UBE2N: variants seen among roughly 807,000 people sequenced by gnomAD.
UBE2N encodes the protein ubiquitin conjugating enzyme E2 N.
For synonymous variants in UBE2N, 70 were observed against 69.2 expected (o/e 1.01, Z -0.06); for missense variants, 60 against 192.1 (o/e 0.31, Z 4.07).
At chr12:93,425,389 T>C (rs569051999) in intron 1 of UBE2N, among the ~76,000 whole-genome samples, 1 of 152,282 alleles carries the variant, frequency 6.6e-6, no homozygotes, top group Admixed American at 6.5e-5. Flanking sequence ...AAGTCAATTG[T>C]CAATTAAGAG....
chr12:93,428,899 C>T (rs534628977), intron 1 of UBE2N, among the ~76,000 whole-genome samples: 66 of 152,304 alleles, frequency 4.3e-4, no homozygotes, highest in African/African-American at 1.6e-3. Context: ...GGCCCCTGAA[C>T]AGAACTTGCA....
At chr12:93,436,164 C>T (rs1427248026) in intron 1 of UBE2N, among the ~76,000 whole-genome samples, 4 of 152,102 alleles carry the variant, frequency 2.6e-5, no homozygotes, top group Non-Finnish European at 4.4e-5. Flanking sequence ...TGCAGTGGCG[C>T]GATCTAGGCT....
At chr12:93,418,721 A>G (rs964154406) in intron 1 of UBE2N, among the ~76,000 whole-genome samples, 1 of 152,204 alleles carries the variant, frequency 6.6e-6, no homozygotes, top group Non-Finnish European at 1.5e-5. Flanking sequence ...AAAATTTTCT[A>G]GTAGCCAAAT....
intron 1 of UBE2N, among the ~76,000 whole-genome samples, chr12:93,436,393 A>G (rs543924381): frequency 6.6e-6 from 1 of 152,312 alleles, no homozygotes; most frequent in African/African-American, 2.4e-5. Flanking sequence ...CATGAGCCAC[A>G]GTGCTCAGCC....
chr12:93,441,253 C>A (rs2121107546), intron 1 of UBE2N: 1 of 152,356 alleles, frequency 6.6e-6, no homozygotes, highest in South Asian at 2.1e-4. Flanking sequence ...GGGACCCAGG[C>A]AGCCGCGGCA....
chr12:93,433,138 T>A (rs553899453), intron 1 of UBE2N, among the ~76,000 whole-genome samples: 92 of 152,230 alleles, frequency 6.0e-4, no homozygotes, highest in African/African-American at 2.1e-3. Flanking sequence ...TTTCACCATG[T>A]TAGCCAGGAT....
Position 93,408,748 on chromosome 12 carries a change from G to A in UBE2N, c.*1291C>T, listed in dbSNP as rs946921871. ...GGGATGAAAGCAAGAATCATTAACT[G>A]AGGACTTGATACTCTCAAAGGGATA... is the stretch of plus-strand genomic sequence containing the variant. On this transcript the variant is annotated 3_prime_UTR_variant, in exon 4 of 4. Coordinates refer to ENST00000318066, the MANE Select transcript of UBE2N (RefSeq NM_003348.4). The A allele has an allele frequency of 5.3e-5, 8 of 152,212 alleles. No homozygotes were observed. The highest frequency in any genetic ancestry group is 7.3e-5 in the Non-Finnish European group (5 of 68,030). 9.4% of individuals were successfully genotyped at this position (152,212 alleles called of 1,614,324 possible). A position where few individuals can be genotyped will look rare whatever the true frequency, so the allele number is the denominator to read the frequency against.
intron 1 of UBE2N, among the ~76,000 whole-genome samples, chr12:93,419,779 C>T (rs1044638030): frequency 6.6e-6 from 1 of 152,164 alleles, no homozygotes; most frequent in Admixed American, 6.5e-5. Flanking sequence ...TAGCACCTAC[C>T]TAAACACGTC....
intron 1 of UBE2N, among the ~76,000 whole-genome samples, chr12:93,437,019 T>C (rs1878953251): frequency 6.6e-6 from 1 of 152,082 alleles, no homozygotes; most frequent in African/African-American, 2.4e-5. Context: ...CCCTAGCACT[T>C]TGGGAGGCCG....
Position 93,410,865 on chromosome 12 carries a change from GACC to G in UBE2N, c.284_286del (p.Trp95del). On this transcript the variant is annotated inframe_deletion, in exon 3 of 4. Coordinates refer to ENST00000318066, the MANE Select transcript of UBE2N (RefSeq NM_003348.4). ...AACTGTGCGGATCTGCAGTGCTGGG[GACC>G]ACTTATCTATGAAGGCAACAGGCCC... is the stretch of plus-strand genomic sequence containing the variant. The G allele has an allele frequency of 6.2e-7, 1 of 1,614,102 alleles. No individual in the cohort carries two copies. Among genetic ancestry groups the G allele is most frequent in the Non-Finnish European group, 8.5e-7 (1 of 1,180,022 alleles).
intron 1 of UBE2N, among the ~76,000 whole-genome samples, chr12:93,415,096 G>A (rs1878164910): frequency 6.6e-6 from 1 of 152,184 alleles, no homozygotes; most frequent in South Asian, 2.1e-4. Flanking sequence ...CAGGTATGGG[G>A]AAAAATAGTC....
At position 93,411,194 on chromosome 12, in the gene UBE2N, G is replaced by A; in HGVS notation, c.136C>T (p.Pro46Ser). 1 of 1,614,178 alleles carries A rather than the reference G, an allele frequency of 6.2e-7. No individual in the cohort carries two copies. The highest frequency in any genetic ancestry group is 8.5e-7 in the Non-Finnish European group (1 of 1,180,046). ...AGTTTAAAAGTCCCTCCCTCAAAGG[G>A]GGAATCCTGAGGGCCAGCAATGACC... ...HVVIAGPQDSPFEGGTFKLEL... is the reference protein window; with the variant it reads ...HVVIAGPQDSSFEGGTFKLEL... The change falls in exon 2 of 4, where the codon CCC becomes TCC. Residue 46 changes from proline to serine, a missense_variant. By Grantham distance (74) the Pro-to-Ser change is moderately conservative. Transcript: ENST00000318066.
At chr12:93,441,201 T>G (rs943637627) in intron 1 of UBE2N, 1 of 152,412 alleles carries the variant, frequency 6.6e-6, no homozygotes, top group Non-Finnish European at 1.5e-5. Flanking sequence ...AAGAGAGAGA[T>G]CGCGGAAGCA....
intron 1 of UBE2N, among the ~76,000 whole-genome samples, chr12:93,425,317 A>G (rs1450020597): frequency 6.6e-6 from 1 of 152,218 alleles, no homozygotes; most frequent in African/African-American, 2.4e-5. Context: ...ATTAGGAAGT[A>G]AGGCTCTCTG....
At chr12:93,424,627 C>T (rs537968445) in intron 1 of UBE2N, among the ~76,000 whole-genome samples, 4 of 152,298 alleles carry the variant, frequency 2.6e-5, no homozygotes, top group East Asian at 1.9e-4. Flanking sequence ...CTAACCATAC[C>T]GCACAGCTTC....
chr12:93,437,544 C>G (rs1045443898), intron 1 of UBE2N, among the ~76,000 whole-genome samples: 2 of 152,110 alleles, frequency 1.3e-5, no homozygotes, highest in African/African-American at 4.8e-5. Context: ...CACCTGTAAT[C>G]CTAGCACTTT....
chr12:93,425,891 C>G (rs982694713), intron 1 of UBE2N, among the ~76,000 whole-genome samples: 2 of 152,188 alleles, frequency 1.3e-5, no homozygotes, highest in Non-Finnish European at 2.9e-5. Context: ...ATCTAATAAG[C>G]ATTTTCCTCA....
intron 1 of UBE2N, among the ~76,000 whole-genome samples, chr12:93,423,789 T>TGGA (rs1878490861): frequency 6.6e-6 from 1 of 152,224 alleles, no homozygotes; most frequent in Non-Finnish European, 1.5e-5. Flanking sequence ...TTCTTTCTAC[T>TGGA]GGAAGGTCCC....
chr12:93,411,134 C>A lies in UBE2N; in HGVS notation c.196G>T (p.Ala66Ser). The change falls in exon 2 of 4, where the codon GCC becomes TCC. Residue 66 changes from alanine to serine, a missense_variant. Ala to Ser is a moderately conservative substitution (Grantham distance 99). Coordinates refer to ENST00000318066, the MANE Select transcript of UBE2N (RefSeq NM_003348.4). ...LFLPEEYPMA[A>S]PKVRFMTKIY... is the part of the protein sequence containing the mutation. The stretch of plus-strand genomic sequence containing the variant: ...TTGGTCATGAAACGTACTTTAGGGG[C>A]TGCCATTGGGTATTCTTCTGGAAGG... 1 of 1,614,184 alleles carries A rather than the reference C, an allele frequency of 6.2e-7. No individual in the cohort carries two copies.
Sources: allele counts gnomAD v4.1 joint callset (sites outside exome capture counted in the v4.1 genomes callset), GRCh38; gene constraint gnomAD v4.1.1; transcripts MANE v1.5; gene names NCBI Gene and HGNC (gene_info 2026-07-23, HGNC 2026-07-21).